Variants in DNAH12 observed in about 807,000 individuals in gnomAD.
DNAH12 encodes the protein axonemal beta dynein heavy chain 12.
DNAH12 carries 285 observed loss-of-function variants against 371.5 expected under a neutral mutation model. The ratio of observed to expected loss-of-function variants is 0.77; its 90% confidence interval spans 0.70 to 0.85. The LOEUF (loss-of-function observed/expected upper bound fraction) is 0.85. Ranked by LOEUF, DNAH12 falls within the 40% of genes least tolerant of loss-of-function variation. DNAH12 has a pLI of 0.00. For synonymous variants in DNAH12, 1,200 were observed against 1,213.0 expected (o/e 0.99, Z 0.22); for missense variants, 3,611 against 3,689.4 (o/e 0.98, Z 0.55).
At chr3:57,443,967 G>A (rs908067123) in intron 29 of DNAH12, among the ~76,000 whole-genome samples, 2 of 152,144 alleles carry the variant, frequency 1.3e-5, no homozygotes, top group Non-Finnish European at 2.9e-5. Context: ...ACTTTGGGAG[G>A]CCAAGTCTGG....
At chr3:57,515,704 C>T (rs544919860) in intron 4 of DNAH12, among the ~76,000 whole-genome samples, 156 of 151,670 alleles carry the variant, frequency 1.0e-3, no homozygotes, top group African/African-American at 3.6e-3. Context: ...AATGAATAAG[C>T]GAAGAAAAAT....
chr3:57,394,952 G>A lies in DNAH12; in HGVS notation c.6949-620C>T, dbSNP rs1008466261. Among the ~76,000 whole-genome samples the A allele has an allele frequency of 5.9e-5, 9 of 152,170 alleles. No individual in the cohort carries two copies. In the East Asian group the frequency reaches 1.3e-3, roughly 23 times the overall value. ...TGACTTGTATAGGCTTGTTAGAACC[G>A]ATTGTTAAAATTTCAGGAACTTGTC... On this transcript the variant is annotated intron_variant, in intron 43 of 73. Transcript: ENST00000495027.
rs1338982022 is a variant in DNAH12 at position 57,483,488 on chromosome 3, A to G, written c.1538T>C (p.Ile513Thr). 6.4e-7 allele frequency: 1 copy of G among 1,550,496 alleles called. No homozygotes were observed. Among genetic ancestry groups the G allele is most frequent in the Non-Finnish European group, 8.7e-7 (1 of 1,146,670 alleles). The change falls in exon 13 of 74, where the codon ATT becomes ACT. Residue 513 changes from isoleucine to threonine, a missense_variant. By Grantham distance (89) the Ile-to-Thr change is moderately conservative. Transcript: ENST00000495027. ...NECICSEFEA[I>T]KEHALKVPET... ...AGGGACTTTTAATGCATGTTCTTTAATTGCTTCAAATTCACTGCAAATACT... is the reference window on the plus strand; with the variant it reads ...AGGGACTTTTAATGCATGTTCTTTAGTTGCTTCAAATTCACTGCAAATACT...
At chr3:57,444,134 G>C (rs191390919) in intron 29 of DNAH12, among the ~76,000 whole-genome samples, 5 of 152,030 alleles carry the variant, frequency 3.3e-5, no homozygotes, top group African/African-American at 1.2e-4. Flanking sequence ...CTGGGAGGCA[G>C]AGCTTGCAGT....
intron 60 of DNAH12, among the ~76,000 whole-genome samples, chr3:57,345,535 C>G (rs1553657774): frequency 6.6e-6 from 1 of 152,134 alleles, no homozygotes; most frequent in East Asian, 1.9e-4. Context: ...AAGAGATGAA[C>G]TGCTCTTGAG....
At chr3:57,498,919 A>C (rs1291764413) in intron 11 of DNAH12, among the ~76,000 whole-genome samples, 1 of 152,052 alleles carries the variant, frequency 6.6e-6, no homozygotes, top group East Asian at 1.9e-4. Flanking sequence ...GAATGGCTTG[A>C]ACCTGGGAGG....
chr3:57,471,934 G>C (rs898179850), intron 14 of DNAH12, among the ~76,000 whole-genome samples: 1 of 151,942 alleles, frequency 6.6e-6, no homozygotes, highest in East Asian at 1.9e-4. Flanking sequence ...ATTATTACTG[G>C]TATTATTATT....
At chr3:57,519,948 G>A in intron 4 of DNAH12, 1 of 875,422 alleles carries the variant, frequency 1.1e-6, no homozygotes, top group South Asian at 1.3e-5. Context: ...CCGACTTGGA[G>A]CCTGCGCTCC....
At chr3:57,302,529 G>GTGTATATATATA (rs879293648) in intron 69 of DNAH12, among the ~76,000 whole-genome samples, 1 of 47,850 alleles carries the variant, frequency 2.1e-5, no homozygotes, top group African/African-American at 8.5e-5. Flanking sequence ...GGCATCAGGT[G>GTGTATATATATA]TATATATATA....
At position 57,531,929 on chromosome 3, in the gene DNAH12, T is replaced by C. The variant is rs142068759; in HGVS notation, c.171-8045A>G. Among the ~76,000 whole-genome samples, 26 of 152,286 alleles carry C rather than the reference T, an allele frequency of 1.7e-4. 1 individual carries two copies. The East Asian group carries it at 5.0e-3, about 29-fold the overall frequency. ...ATCTCTTGGAATAAACCTTCTATCC[T>C]GTCTCTTTCTCTACCTCCTCTTTAA... On this transcript the variant is annotated intron_variant, in intron 2 of 73. Transcript: ENST00000495027.
intron 62 of DNAH12, among the ~76,000 whole-genome samples, chr3:57,333,162 C>T (rs185543630): frequency 5.3e-5 from 8 of 151,784 alleles, no homozygotes; most frequent in African/African-American, 1.5e-4. Flanking sequence ...TGCAGTGGTT[C>T]GATCTTGGCT....
chr3:57,420,908 C>CAAGA (rs2064555515), intron 36 of DNAH12, among the ~76,000 whole-genome samples: 1 of 78,016 alleles, frequency 1.3e-5, no homozygotes, highest in Admixed American at 1.6e-4. Flanking sequence ...GACTCCGTCT[C>CAAGA]AAAAAAAAAA....
chr3:57,523,935 T>C, intron 2 of DNAH12, 51 bp from the exon 3 acceptor site: 1 of 1,288,740 alleles, frequency 7.8e-7, no homozygotes, highest in Non-Finnish European at 1.1e-6. Flanking sequence ...TAGCATAAGT[T>C]ACTAAAACAT....
intron 29 of DNAH12, among the ~76,000 whole-genome samples, chr3:57,441,324 A>C (rs916942192): frequency 1.3e-5 from 2 of 152,176 alleles, no homozygotes; most frequent in African/African-American, 2.4e-5. Context: ...AAGAACCACT[A>C]ACCTTGAAGA....
chr3:57,436,478 G>T (rs184228890), intron 30 of DNAH12, among the ~76,000 whole-genome samples: 1 of 152,280 alleles, frequency 6.6e-6, no homozygotes, highest in East Asian at 1.9e-4. Flanking sequence ...TTCTGAATGG[G>T]AGTGTTTGCT....
intron 43 of DNAH12, among the ~76,000 whole-genome samples, chr3:57,398,234 T>C (rs2153349969): frequency 6.6e-6 from 1 of 152,198 alleles, no homozygotes; most frequent in African/African-American, 2.4e-5. Context: ...ACCGGGTTAA[T>C]GGAGCAAAAA....
Position 57,458,233 on chromosome 3 carries a change from C to T in DNAH12, c.2932-13G>A, listed in dbSNP as rs1248227881. Reference sequence around the variant, plus strand: ...TGGCAGCAAGAACCTAAACGAGACACATGCATTCAAGTCAGCACTTTTATG... The same window carrying T: ...TGGCAGCAAGAACCTAAACGAGACATATGCATTCAAGTCAGCACTTTTATG... On this transcript the variant is annotated splice_polypyrimidine_tract_variant and intron_variant, in intron 20 of 73. Transcript: ENST00000495027. The T allele has an allele frequency of 2.0e-6, 3 of 1,537,780 alleles. No individual in the cohort carries two copies. Among genetic ancestry groups the T allele is most frequent in the Non-Finnish European group, 1.7e-6 (2 of 1,143,468 alleles).
chr3:57,336,149 A>C (rs1392564727), intron 60 of DNAH12, among the ~76,000 whole-genome samples: 1 of 152,202 alleles, frequency 6.6e-6, no homozygotes, highest in Non-Finnish European at 1.5e-5. Flanking sequence ...ACCTAGAATA[A>C]GTCTTGAAAA....
intron 69 of DNAH12, among the ~76,000 whole-genome samples, chr3:57,306,463 A>G (rs2061472896): frequency 2.0e-5 from 3 of 151,650 alleles, no homozygotes; most frequent in South Asian, 2.1e-4. Context: ...CTTTAACTAA[A>G]TTATCTGCTT....
Sources: gnomAD v4.1 joint callset for allele counts (sites outside exome capture counted in the v4.1 genomes callset) on GRCh38, gnomAD v4.1.1 for gene constraint, MANE v1.5 for transcripts, NCBI Gene and HGNC (gene_info 2026-07-23, HGNC 2026-07-21) for gene names.